The following TRMT44 variants were observed in gnomAD, a reference collection of about 807,000 sequenced individuals.
TRMT44 encodes tRNA methyltransferase 44 homolog, also known as probable tRNA (uracil-O(2)-)-methyltransferase.
A neutral mutation model predicts 77.3 loss-of-function variants in TRMT44; 78 were observed. The ratio of observed to expected loss-of-function variants is 1.01; its 90% CI spans 0.84 to 1.22. The LOEUF is 1.22. Among genes scored for constraint, TRMT44 ranks in the 50% most tolerant of loss-of-function variants. The pLI is 0.00. For missense variants in TRMT44, 1,090 were observed against 964.4 expected (o/e 1.13, Z -1.73); for synonymous variants, 391 against 383.3 (o/e 1.02, Z -0.23).
At chr4:8,484,501 A>G (rs1434382773) in intron 2 of TRMT44, among the ~76,000 whole-genome samples, 1 of 152,200 alleles carries the variant, frequency 6.6e-6, no homozygotes, top group Non-Finnish European at 1.5e-5. Context: ...CTGCACAGAG[A>G]CATGATGGCA....
intron 9 of TRMT44, among the ~76,000 whole-genome samples, chr4:8,469,582 T>C (rs1726844138): frequency 6.6e-6 from 1 of 151,928 alleles, no homozygotes; most frequent in African/African-American, 2.4e-5. Flanking sequence ...TTTCGGTGGG[T>C]GAGGAGGAAG....
chr4:8,481,307 TTTGA>T (rs369616142), downstream of TRMT44, among the ~76,000 whole-genome samples: 20 of 152,360 alleles, frequency 1.3e-4, no homozygotes, highest in East Asian at 2.7e-3. Context: ...CTCAAATGTA[TTTGA>T]TTGATGTCTC....
the TRMT44 span, among the ~76,000 whole-genome samples, chr4:8,502,823 A>C: frequency 6.6e-6 from 1 of 152,152 alleles, no homozygotes; most frequent in Non-Finnish European, 1.5e-5. Context: ...TCCCGCTTAC[A>C]CTCAGGGGAG....
chr4:8,474,066 C>G (rs1031434732), intron 10 of TRMT44, among the ~76,000 whole-genome samples: 1 of 152,210 alleles, frequency 6.6e-6, no homozygotes, highest in Admixed American at 6.5e-5. Context: ...GCTGGCCTGT[C>G]ACGTTGTGGT....
In TRMT44 at chr4:8,445,493, C is replaced by T. The variant is rs569056829; in HGVS notation, c.620-983C>T. Among the ~76,000 whole-genome samples the T allele has an allele frequency of 4.6e-5, 7 of 152,374 alleles. No homozygotes were observed. In the East Asian group the frequency reaches 1.4e-3, roughly 29 times the overall value. ...ACGCCACTCACCTCCATTCCCCATG[C>T]ACCTGAGCACACGCCTGCCCTAGGG... On this transcript the variant is annotated intron_variant, in intron 1 of 10. Coordinates refer to ENST00000389737, the MANE Select transcript of TRMT44 (RefSeq NM_152544.3).
chr4:8,492,274 C>T (rs747016094), intron 2 of TRMT44, among the ~76,000 whole-genome samples: 6 of 152,182 alleles, frequency 3.9e-5, no homozygotes, highest in Admixed American at 1.3e-4. Flanking sequence ...TCATGTAAAC[C>T]ACCCGGAACT....
chr4:8,515,725 T>A, the TRMT44 span, among the ~76,000 whole-genome samples: 3 of 152,110 alleles, frequency 2.0e-5, no homozygotes, highest in African/African-American at 4.8e-5. Flanking sequence ...TGCCCAAATA[T>A]TGTTCCCCAG....
chr4:8,484,611 C>T (rs1290384574), intron 2 of TRMT44, among the ~76,000 whole-genome samples: 2 of 152,076 alleles, frequency 1.3e-5, no homozygotes, highest in African/African-American at 4.8e-5. Flanking sequence ...TGCACTTCAG[C>T]TGTGTGTAAT....
At chr4:8,491,169 T>C (rs1158593370) in intron 2 of TRMT44, among the ~76,000 whole-genome samples, 6 of 150,994 alleles carry the variant, frequency 4.0e-5, no homozygotes, top group Non-Finnish European at 7.4e-5. Context: ...TTACAATCCC[T>C]GAGCTAGAGA....
At chr4:8,465,267 T>C in intron 7 of TRMT44, 111 bp from the exon 8 acceptor site, 1 of 982,024 alleles carries the variant, frequency 1.0e-6, no homozygotes, top group Non-Finnish European at 1.5e-6. Flanking sequence ...GCCAGGAACA[T>C]CACTTCCCTA....
chr4:8,514,005 G>T, the TRMT44 span, among the ~76,000 whole-genome samples: 39 of 152,186 alleles, frequency 2.6e-4, no homozygotes, highest in African/African-American at 9.4e-4. Context: ...CTGTGCCCAG[G>T]CATTCCCACT....
At chr4:8,449,523 G>A (rs1579041465) in intron 2 of TRMT44, 146 bp from the exon 3 acceptor site, 3 of 612,856 alleles carry the variant, frequency 4.9e-6, no homozygotes, top group East Asian at 2.9e-5. Context: ...TTAGATGAAA[G>A]TTCTGTAACT....
chr4:8,463,382 T>C (rs569190240), intron 6 of TRMT44, among the ~76,000 whole-genome samples: 2 of 152,236 alleles, frequency 1.3e-5, no homozygotes, highest in African/African-American at 4.8e-5. Flanking sequence ...TCAGCTTAAC[T>C]GCAGAATTTG....
At chr4:8,492,546 G>A (rs563977909) in intron 2 of TRMT44, among the ~76,000 whole-genome samples, 1 of 152,216 alleles carries the variant, frequency 6.6e-6, no homozygotes, top group Admixed American at 6.5e-5. Flanking sequence ...AATAAATCTT[G>A]GGGCCCCAAA....
At chr4:8,450,755 C>G (rs73211381) in intron 3 of TRMT44, among the ~76,000 whole-genome samples, 4 of 151,880 alleles carry the variant, frequency 2.6e-5, no homozygotes, top group Admixed American at 1.3e-4. Flanking sequence ...CCATCTTCCT[C>G]CCCGTCCTAG....
intron 6 of TRMT44, among the ~76,000 whole-genome samples, chr4:8,462,186 A>C (rs2109140055): frequency 6.6e-6 from 1 of 152,176 alleles, no homozygotes; most frequent in East Asian, 1.9e-4. Context: ...CGAGGTGGGC[A>C]CATCACCTGA....
Position 8,441,228 on chromosome 4 carries a change from G to A in TRMT44, c.406G>A (p.Asp136Asn). ...HPGHAEGREGDFPAADLDSLW... is the reference protein window; with the variant it reads ...HPGHAEGREGNFPAADLDSLW... ...CGGCCATGCTGAAGGAAGGGAGGGCGACTTCCCCGCCGCAGATCTGGATTC... is the reference window on the plus strand; with the variant it reads ...CGGCCATGCTGAAGGAAGGGAGGGCAACTTCCCCGCCGCAGATCTGGATTC... The change falls in exon 1 of 11, where the codon GAC becomes AAC. Residue 136 changes from aspartate (D) to asparagine (N), a missense_variant. Physicochemically the swap from Asp to Asn is conservative, Grantham distance 23. Transcript: ENST00000389737. 6.5e-7 allele frequency: 1 copy of A among 1,535,542 alleles called. No individual in the cohort carries two copies. The highest frequency in any genetic ancestry group is 1.2e-5 in the South Asian group (1 of 83,902).
the TRMT44 span, among the ~76,000 whole-genome samples, chr4:8,502,550 TG>T: frequency 6.6e-6 from 1 of 152,218 alleles, no homozygotes; most frequent in Admixed American, 6.5e-5. Flanking sequence ...GAGGCTCAGC[TG>T]GGGCAGGCTC....
chr4:8,463,338 T>A (rs1726290757), intron 6 of TRMT44, among the ~76,000 whole-genome samples: 1 of 152,224 alleles, frequency 6.6e-6, no homozygotes, highest in African/African-American at 2.4e-5. Context: ...AGGGTGCCTA[T>A]TTAAAGTTCT....
Sources: allele counts gnomAD v4.1 joint callset (sites outside exome capture counted in the v4.1 genomes callset), GRCh38; gene constraint gnomAD v4.1.1; transcripts MANE v1.5; gene names NCBI Gene and HGNC (gene_info 2026-07-23, HGNC 2026-07-21).